The following ERBB4 variants were observed in gnomAD, a reference collection of about 807,000 sequenced individuals.
ERBB4 encodes the protein erb-b2 receptor tyrosine kinase 4.
A neutral mutation model predicts 158.0 loss-of-function variants in ERBB4; 42 were observed. That is an observed-to-expected ratio of 0.27 (90% confidence interval 0.21 to 0.34). The LOEUF (loss-of-function observed/expected upper bound fraction) is 0.34, where lower values mean the gene tolerates loss of function less well. ERBB4 is among the 10% of genes least tolerant of loss of function. The probability of loss-of-function intolerance (pLI) is 1.00; values close to 1 mark genes in which losing one functional copy is unlikely to be tolerated. For missense variants in ERBB4, 1,333 were observed against 1,624.1 expected (o/e 0.82, Z 3.08); for synonymous variants, 583 against 558.7 (o/e 1.04, Z -0.61).
chr2:211,630,419 T>C (rs2070062328), intron 17 of ERBB4, 43 bp downstream of exon 17: 1 of 1,610,222 alleles, frequency 6.2e-7, no homozygotes, highest in South Asian at 1.1e-5. Flanking sequence ...CTAAACCTGA[T>C]GAAAATCCCC....
chr2:211,884,540 T>C (rs2078744880), intron 3 of ERBB4, among the ~76,000 whole-genome samples: 1 of 152,154 alleles, frequency 6.6e-6, no homozygotes, highest in Admixed American at 6.5e-5. Context: ...CAGAGCCTTC[T>C]CCTAAAGGGC....
chr2:212,393,306 C>T (rs1443144319), intron 1 of ERBB4, among the ~76,000 whole-genome samples: 1 of 152,032 alleles, frequency 6.6e-6, no homozygotes, highest in Non-Finnish European at 1.5e-5. Flanking sequence ...AGCTATCACA[C>T]ATTCATTTTT....
intron 20 of ERBB4, among the ~76,000 whole-genome samples, chr2:211,451,402 T>C (rs912583874): frequency 6.6e-6 from 1 of 152,146 alleles, no homozygotes; most frequent in African/African-American, 2.4e-5. Flanking sequence ...GACTATTCTT[T>C]CAAGAGGTAT....
At chr2:211,774,516 T>C (rs2075824075) in intron 4 of ERBB4, among the ~76,000 whole-genome samples, 2 of 152,180 alleles carry the variant, frequency 1.3e-5, no homozygotes, top group African/African-American at 2.4e-5. Context: ...TCAATTTCAC[T>C]GGTTAAAAGT....
chr2:212,102,902 T>G (rs995399388), intron 2 of ERBB4, among the ~76,000 whole-genome samples: 16 of 152,108 alleles, frequency 1.1e-4, no homozygotes, highest in Admixed American at 5.9e-4. Flanking sequence ...TGCAATAACT[T>G]TCATTATCCA....
chr2:211,857,391 CT>C (rs1332910169), intron 3 of ERBB4, among the ~76,000 whole-genome samples: 1 of 152,094 alleles, frequency 6.6e-6, no homozygotes, highest in Non-Finnish European at 1.5e-5. Context: ...AATTCTGCTC[CT>C]AAAAGTCCCT....
Position 212,240,619 on chromosome 2 carries a change from C to A in ERBB4, c.83-115716G>T, listed in dbSNP as rs113787949. On this transcript the variant is annotated intron_variant, in intron 1 of 27. Coordinates refer to ENST00000342788, the MANE Select transcript of ERBB4 (RefSeq NM_005235.3). ...TGCCATTGCACTCCAGTCTGGGCAA[C>A]AGAGCGACACTCTGGCTCAAAAAAA... is the stretch of plus-strand genomic sequence containing the variant. Among the ~76,000 whole-genome samples, 599 of 96,014 alleles carry A rather than the reference C, an allele frequency of 6.2e-3. 4 individuals carry two copies. The highest frequency in any genetic ancestry group is 0.024 in the African/African-American group (567 of 23,508). 63.0% of individuals were successfully genotyped at this position (96,014 alleles called of 152,430 possible).
At chr2:212,027,518 A>C (rs964980006) in intron 2 of ERBB4, among the ~76,000 whole-genome samples, 1 of 152,116 alleles carries the variant, frequency 6.6e-6, no homozygotes, top group African/African-American at 2.4e-5. Flanking sequence ...CTTATCATTG[A>C]TCAATTTTGT....
At chr2:211,507,241 C>T (rs2125604592) in intron 20 of ERBB4, among the ~76,000 whole-genome samples, 1 of 152,032 alleles carries the variant, frequency 6.6e-6, no homozygotes, top group East Asian at 1.9e-4. Flanking sequence ...CAATAAAAGC[C>T]CAGGACCAGA....
chr2:212,486,181 T>A, intron 1 of ERBB4, among the ~76,000 whole-genome samples: 1 of 151,946 alleles, frequency 6.6e-6, no homozygotes, highest in Non-Finnish European at 1.5e-5. Context: ...GGTATAATAA[T>A]AATAAAGAGA....
At chr2:211,792,732 A>T (rs1273454798) in intron 3 of ERBB4, among the ~76,000 whole-genome samples, 21 of 151,922 alleles carry the variant, frequency 1.4e-4, no homozygotes, top group Admixed American at 1.4e-3. Context: ...ACATTTGAAA[A>T]AGGACAGAAA....
chr2:211,580,693 T>C (rs191853173), intron 19 of ERBB4, among the ~76,000 whole-genome samples: 2,619 of 147,064 alleles, frequency 0.018, 70 homozygotes, highest in African/African-American at 0.06. Flanking sequence ...AAAAGATACC[T>C]GCACATGCAT....
intron 27 of ERBB4, among the ~76,000 whole-genome samples, chr2:211,386,650 G>C (rs2062690272): frequency 6.6e-6 from 1 of 152,172 alleles, no homozygotes; most frequent in Admixed American, 6.5e-5. Context: ...GGGCCTGCCT[G>C]AGATTCTGAT....
At chr2:211,636,184 T>A (rs1394738330) in intron 16 of ERBB4, among the ~76,000 whole-genome samples, 2 of 152,022 alleles carry the variant, frequency 1.3e-5, no homozygotes, top group African/African-American at 4.8e-5. Context: ...AACAGGGATT[T>A]TTTTTTGTAA....
At chr2:211,477,162 A>T (rs1286805038) in intron 20 of ERBB4, among the ~76,000 whole-genome samples, 1 of 152,142 alleles carries the variant, frequency 6.6e-6, no homozygotes, top group African/African-American at 2.4e-5. Flanking sequence ...ACCACTCTCA[A>T]GCAAGGAGGA....
intron 25 of ERBB4, among the ~76,000 whole-genome samples, chr2:211,406,676 TG>T (rs1208588798): frequency 9.9e-5 from 15 of 152,112 alleles, no homozygotes; most frequent in Admixed American, 7.9e-4. Context: ...GTTTTGTCAT[TG>T]AATAGCTGTG....
chr2:212,366,222 G>A (rs1490490780), intron 1 of ERBB4, among the ~76,000 whole-genome samples: 1 of 151,876 alleles, frequency 6.6e-6, no homozygotes, highest in Non-Finnish European at 1.5e-5. Context: ...GCTTACTACT[G>A]CATATCTGAT....
At chr2:211,592,176 G>T (rs1305853678) in intron 19 of ERBB4, among the ~76,000 whole-genome samples, 1 of 100,720 alleles carries the variant, frequency 9.9e-6, no homozygotes, top group Non-Finnish European at 2.3e-5. Context: ...GCTGCTAGAC[G>T]CCCGGTAGAC....
At chr2:212,388,265 G>A (rs929164266) in intron 1 of ERBB4, among the ~76,000 whole-genome samples, 6 of 152,052 alleles carry the variant, frequency 3.9e-5, no homozygotes, top group South Asian at 2.1e-4. Context: ...AGTACTAATA[G>A]GTTGCTGCAT....
Sources: allele counts gnomAD v4.1 joint callset (sites outside exome capture counted in the v4.1 genomes callset), GRCh38; gene constraint gnomAD v4.1.1; transcripts MANE v1.5; gene names NCBI Gene and HGNC (gene_info 2026-07-23, HGNC 2026-07-21).